Variants in ASCC3 observed in about 807,000 individuals in gnomAD.
ASCC3 encodes activating signal cointegrator 1 complex subunit 3.
ASCC3 carries 158 observed loss-of-function variants against 256.3 expected under a neutral mutation model. The ratio of observed to expected loss-of-function variants is 0.62; its 90% CI spans 0.54 to 0.70. The LOEUF (loss-of-function observed/expected upper bound fraction) is 0.70, where lower values mean the gene tolerates loss of function less well. ASCC3 is among the 30% of genes least tolerant of loss of function. The pLI is 0.00. For synonymous variants in ASCC3, 948 were observed against 883.4 expected (o/e 1.07, Z -1.30); for missense variants, 2,259 against 2,626.0 (o/e 0.86, Z 3.05).
intron 4 of ASCC3, among the ~76,000 whole-genome samples, chr6:100,807,340 A>G (rs1294509582): frequency 6.7e-6 from 1 of 149,612 alleles, no homozygotes; most frequent in African/African-American, 2.4e-5. Context: ...ATGTGGCAGA[A>G]AGGGTTTAGG....
At chr6:100,866,671 T>A (rs2114552700) in intron 2 of ASCC3, among the ~76,000 whole-genome samples, 1 of 152,344 alleles carries the variant, frequency 6.6e-6, no homozygotes, top group East Asian at 1.9e-4. Context: ...ACACCAGGGA[T>A]GTGCTTGTAC....
At chr6:100,540,965 G>C (rs1775427610) in intron 36 of ASCC3, among the ~76,000 whole-genome samples, 3 of 152,154 alleles carry the variant, frequency 2.0e-5, no homozygotes, top group South Asian at 4.2e-4. Flanking sequence ...ATCATACAGA[G>C]AGTTAGATTG....
At chr6:100,655,913 A>G in intron 16 of ASCC3, 95 bp from the exon 17 acceptor site, 14 of 1,397,344 alleles carry the variant, frequency 1.0e-5, no homozygotes, top group Non-Finnish European at 1.3e-5. Flanking sequence ...TTTTAAAAAT[A>G]CATCATTATG....
intron 14 of ASCC3, among the ~76,000 whole-genome samples, chr6:100,667,234 C>A (rs1346676992): frequency 3.9e-5 from 6 of 152,032 alleles, no homozygotes; most frequent in Admixed American, 3.9e-4. Context: ...AAATGTGAAA[C>A]GTGAGTCTTG....
chr6:100,731,168 G>A (rs1779886488), intron 10 of ASCC3, among the ~76,000 whole-genome samples: 2 of 152,022 alleles, frequency 1.3e-5, no homozygotes, highest in African/African-American at 2.4e-5. Flanking sequence ...AAGGAACAGA[G>A]CAGGAAATGC....
At chr6:100,607,503 A>G (rs1463025278) in intron 30 of ASCC3, among the ~76,000 whole-genome samples, 2 of 152,040 alleles carry the variant, frequency 1.3e-5, no homozygotes, top group Non-Finnish European at 2.9e-5. Context: ...ATCAGCCATA[A>G]TCCTTGCAGA....
At chr6:100,843,168 G>A (rs911368539) in intron 4 of ASCC3, among the ~76,000 whole-genome samples, 5 of 152,144 alleles carry the variant, frequency 3.3e-5, no homozygotes, top group Non-Finnish European at 7.4e-5. Context: ...GAGAATCACT[G>A]TATTAAAGCA....
intron 34 of ASCC3, among the ~76,000 whole-genome samples, chr6:100,600,700 G>A (rs187896659): frequency 2.0e-5 from 3 of 152,156 alleles, no homozygotes; most frequent in African/African-American, 4.8e-5. Context: ...TCTGGAATGT[G>A]CCTTAACATT....
chr6:100,582,446 G>A (rs1039443408), intron 36 of ASCC3, among the ~76,000 whole-genome samples: 41 of 151,568 alleles, frequency 2.7e-4, no homozygotes, highest in African/African-American at 6.8e-4. Flanking sequence ...TGTATCCTGA[G>A]ACTTTGCTGA....
chr6:100,598,030 C>T (rs1772399377), intron 34 of ASCC3, among the ~76,000 whole-genome samples: 1 of 150,248 alleles, frequency 6.7e-6, no homozygotes, highest in African/African-American at 2.5e-5. Flanking sequence ...TCAGTTGAAG[C>T]TACATTTATC....
In ASCC3 at chr6:100,510,015, T is replaced by A; in HGVS notation, c.6378A>T (p.Glu2126Asp). The change falls in exon 41 of 42, where the codon GAA (glutamate) becomes GAT (aspartate). Residue 2126 changes from glutamate to aspartate, a missense_variant. Physicochemically the swap from Glu to Asp is conservative, Grantham distance 45. This residue lies in a region of ASCC3 where 1,839 missense variants were observed against 2,206.7 expected (regional missense o/e 0.83). Transcript: ENST00000369162. ...ATCCTACTCTTTTCAAAGCAATAAG[T>A]TCTCTCTTATCCACTTCTCCTAATA... is the stretch of plus-strand genomic sequence containing the variant. ...FLILGEVDKR[E>D]LIALKRVGYI... is the part of the protein sequence containing the mutation. 1.2e-6 allele frequency: 2 copies of A among 1,614,112 alleles called. No homozygotes were observed. The highest frequency in any genetic ancestry group is 1.7e-6 in the Non-Finnish European group (2 of 1,179,952).
intron 37 of ASCC3, among the ~76,000 whole-genome samples, chr6:100,521,384 G>A (rs1241524184): frequency 6.6e-6 from 1 of 152,028 alleles, no homozygotes; most frequent in African/African-American, 2.4e-5. Context: ...CAATAAGAAG[G>A]GAGGATAGTC....
At chr6:100,675,136 T>C (rs1004769596) in intron 14 of ASCC3, among the ~76,000 whole-genome samples, 2 of 151,856 alleles carry the variant, frequency 1.3e-5, no homozygotes, top group African/African-American at 4.8e-5. Flanking sequence ...AGTTGTTTTT[T>C]TTTTTTTTAC....
chr6:100,712,942 T>C (rs567063961), intron 13 of ASCC3, among the ~76,000 whole-genome samples: 3 of 151,930 alleles, frequency 2.0e-5, no homozygotes, highest in African/African-American at 7.2e-5. Flanking sequence ...GTATTTTCAG[T>C]AGAGACAGAG....
intron 4 of ASCC3, among the ~76,000 whole-genome samples, chr6:100,836,133 C>A (rs1771863207): frequency 1.3e-5 from 2 of 151,964 alleles, no homozygotes; most frequent in East Asian, 3.9e-4. Flanking sequence ...AAATTTTATT[C>A]TAACAGTTTT....
chr6:100,558,658 T>C (rs939276065), intron 36 of ASCC3, among the ~76,000 whole-genome samples: 3 of 152,172 alleles, frequency 2.0e-5, no homozygotes, highest in African/African-American at 7.2e-5. Context: ...GTGGGACAGA[T>C]AGCTGACAAC....
In ASCC3 at chr6:100,815,950, G is replaced by T. The variant is rs118114847; in HGVS notation, c.802-10070C>A. 6.5e-3 allele frequency among the ~76,000 whole-genome samples: 993 copies of T among 152,162 alleles called. 5 individuals carry two copies. Among genetic ancestry groups the T allele is most frequent in the Non-Finnish European group, 0.011 (727 of 67,960 alleles). ...AAGAGCGAGCTTCTGTACAGCAAAA[G>T]AAACTATCAACAGGGTAAACAGATA... On this transcript the variant is annotated intron_variant, in intron 4 of 41. Coordinates refer to ENST00000369162, the MANE Select transcript of ASCC3 (RefSeq NM_006828.4).
intron 3 of ASCC3, among the ~76,000 whole-genome samples, chr6:100,852,810 T>C (rs1369395263): frequency 6.6e-6 from 1 of 152,136 alleles, no homozygotes; most frequent in Non-Finnish European, 1.5e-5. Context: ...TAACATAAGC[T>C]GTAAACCGGA....
At position 100,865,754 on chromosome 6, in the gene ASCC3, CA is replaced by C. The variant is rs540362185; in HGVS notation, c.91-1541del. 3.9e-3 allele frequency among the ~76,000 whole-genome samples: 585 copies of C among 151,148 alleles called. 1 individual carries two copies. The highest frequency in any genetic ancestry group is 7.7e-3 in the Admixed American group (118 of 15,230). ...AGCAATTAAAGTGAATGATGTTTTT[CA>C]AAAAAAAGGGCCAGTTACTTCATAT... On this transcript the variant is annotated intron_variant, in intron 2 of 41. Coordinates refer to ENST00000369162, the MANE Select transcript of ASCC3 (RefSeq NM_006828.4).
Sources: gnomAD v4.1 joint callset for allele counts (sites outside exome capture counted in the v4.1 genomes callset) on GRCh38, gnomAD v4.1.1 for gene constraint, gnomAD v4.1.1 regional missense constraint, MANE v1.5 for transcripts, NCBI Gene and HGNC (gene_info 2026-07-23, HGNC 2026-07-21) for gene names.